Variants in CDH19 observed in about 807,000 individuals in gnomAD.
CDH19 encodes the protein cadherin 19.
Under a neutral mutation model 64.2 loss-of-function variants are expected in CDH19, and 67 were observed. The observed-to-expected ratio is 1.04, with a 90% confidence interval of 0.86 to 1.28. The LOEUF (loss-of-function observed/expected upper bound fraction) is 1.28, where lower values mean the gene tolerates loss of function less well. CDH19 is among the 50% of genes most tolerant of loss of function. CDH19 has a pLI of 0.00. For synonymous variants in CDH19, 346 were observed against 319.3 expected (o/e 1.08, Z -0.89); for missense variants, 1,030 against 929.0 (o/e 1.11, Z -1.41).
rs1232707585 is a variant in CDH19 at position 66,568,608 on chromosome 18, A to AT, written c.297dup (p.Tyr100IlefsTer7). 6.2e-7 allele frequency: 1 copy of AT among 1,611,964 alleles called. No individual in the cohort carries two copies. The highest frequency in any genetic ancestry group is 1.3e-5 in the African/African-American group (1 of 74,756). On this transcript the variant is annotated frameshift_variant, in exon 3 of 12. Transcript: ENST00000262150. LOFTEE classifies it high-confidence loss of function. ...TCTCTATCAAGCTTCTGTATGGCAT[A>AT]TATGTCACCTGTTCTTTCATCAATG...
chr18:66,593,724 T>C lies in CDH19; in HGVS notation c.-113+10230A>G, dbSNP rs117014250. 5.0e-4 allele frequency among the ~76,000 whole-genome samples: 76 copies of C among 152,270 alleles called. No homozygotes were observed. In the East Asian group the frequency reaches 0.013, roughly 25 times the overall value. On this transcript the variant is annotated intron_variant, in intron 1 of 11. Coordinates refer to ENST00000262150, the MANE Select transcript of CDH19 (RefSeq NM_021153.4). ...CCATAAGTTTCCAATTCTGATCTTT[T>C]ATATCGGCCTTCAATTAAGAAAAAT... is the stretch of plus-strand genomic sequence containing the variant.
chr18:66,543,176 C>A (rs954010519), intron 7 of CDH19, among the ~76,000 whole-genome samples: 1 of 152,046 alleles, frequency 6.6e-6, no homozygotes, highest in Non-Finnish European at 1.5e-5. Context: ...CAGGTGCCCG[C>A]CGCCACGCCT....
At chr18:66,545,123 C>T (rs995784975) in intron 5 of CDH19, among the ~76,000 whole-genome samples, 5 of 151,868 alleles carry the variant, frequency 3.3e-5, no homozygotes, top group Non-Finnish European at 4.4e-5. Flanking sequence ...GGTCTACAAG[C>T]GCCCACCACC....
intron 1 of CDH19, among the ~76,000 whole-genome samples, chr18:66,599,089 T>G (rs1988977248): frequency 6.6e-6 from 1 of 152,180 alleles, no homozygotes; most frequent in Non-Finnish European, 1.5e-5. Context: ...TTTTTATATT[T>G]TCTGCATATT....
At position 66,514,863 on chromosome 18, in the gene CDH19, T is replaced by A. The variant is rs148905024; in HGVS notation, c.1459-3178A>T. On this transcript the variant is annotated intron_variant, in intron 9 of 11. Coordinates refer to ENST00000262150, the MANE Select transcript of CDH19 (RefSeq NM_021153.4). ...GAGATGGTTCTTATTAAACATGCAA[T>A]TGATGGACAGCTAATTTAAGATGCA... Among the ~76,000 whole-genome samples, 27 of 151,746 alleles carry A rather than the reference T, an allele frequency of 1.8e-4. No homozygotes were observed. In the East Asian group the frequency reaches 5.2e-3, roughly 29 times the overall value.
chr18:66,510,344 C>T (rs907796877), intron 10 of CDH19, among the ~76,000 whole-genome samples: 17 of 150,668 alleles, frequency 1.1e-4, no homozygotes, highest in Non-Finnish European at 2.2e-4. Flanking sequence ...TTACTTGTGA[C>T]CACAAGCATT....
At chr18:66,553,315 G>A (rs555731245) in intron 4 of CDH19, among the ~76,000 whole-genome samples, 9 of 134,034 alleles carry the variant, frequency 6.7e-5, no homozygotes, top group Non-Finnish European at 1.5e-5. Flanking sequence ...CTGAATGTGT[G>A]AGGGAATTAA....
intron 7 of CDH19, among the ~76,000 whole-genome samples, chr18:66,537,266 C>T (rs917439708): frequency 6.6e-6 from 1 of 151,868 alleles, no homozygotes; most frequent in Non-Finnish European, 1.5e-5. Flanking sequence ...CCTCAATGTT[C>T]TTGTCTCTCA....
chr18:66,597,948 G>A (rs200440913), intron 1 of CDH19, among the ~76,000 whole-genome samples: 4 of 152,014 alleles, frequency 2.6e-5, no homozygotes, highest in Admixed American at 6.6e-5. Flanking sequence ...TGTAAATGAC[G>A]AGTTAATGGG....
At chr18:66,592,343 A>C (rs182112549) in intron 1 of CDH19, among the ~76,000 whole-genome samples, 3 of 151,876 alleles carry the variant, frequency 2.0e-5, no homozygotes, top group Non-Finnish European at 4.4e-5. Flanking sequence ...GGTAATTAGG[A>C]CAACAATCAC....
At chr18:66,570,629 T>C (rs1042416746) in intron 2 of CDH19, among the ~76,000 whole-genome samples, 4 of 151,754 alleles carry the variant, frequency 2.6e-5, no homozygotes, top group Non-Finnish European at 5.9e-5. Flanking sequence ...ATTATTGTTC[T>C]TTTTGAAATC....
Position 66,505,548 on chromosome 18 carries a change from AATATATATATTAAT to A in CDH19, c.1829-260_1829-247del, listed in dbSNP as rs1031476952. On this transcript the variant is annotated intron_variant, in intron 11 of 11. Transcript: ENST00000262150. ...AAAAATATAGTGAACTATATTTATT[AATATATATATTAAT>A]ATATATATAATATAATATATATAGT... Among the ~76,000 whole-genome samples the A allele has an allele frequency of 2.6e-4, 37 of 140,976 alleles. 1 individual carries two copies. Among genetic ancestry groups the A allele is most frequent in the Admixed American group, 2.6e-3 (35 of 13,528 alleles). 92.5% of individuals were successfully genotyped at this position (140,976 alleles called of 152,430 possible).
rs563201362 is a variant in CDH19, at chr18:66,505,044, C to T, written c.2087G>A (p.Arg696Lys). 2.1e-5 allele frequency: 34 copies of T among 1,613,622 alleles called. No homozygotes were observed. The South Asian group carries it at 3.5e-4, about 17-fold the overall frequency. ...LQVGPDSAIF[R>K]KFILEKLEEA... ...TTCGAGCTTTTCCAGAATGAATTTC[C>T]TGAATATGGCACTGTCGGGGCCAAC... The change falls in exon 12 of 12, where the codon AGG becomes AAG. Residue 696 changes from arginine (R) to lysine (K), a missense_variant. Coordinates refer to ENST00000262150, the MANE Select transcript of CDH19 (RefSeq NM_021153.4).
chr18:66,504,699 A>G lies in CDH19; in HGVS notation c.*113T>C. 9.2e-7 allele frequency: 1 copy of G among 1,088,634 alleles called. No homozygotes were observed. Among genetic ancestry groups the G allele is most frequent in the East Asian group, 2.5e-5 (1 of 40,790 alleles). The allele number at this position is 1,088,634 out of a possible 1,614,324, so 67.4% of individuals were successfully genotyped here. On this transcript the variant is annotated 3_prime_UTR_variant, in exon 12 of 12. Transcript: ENST00000262150. ...GTATTTACTCCAGGGAAATCAGAAA[A>G]CTCCATAGACTAGGGCTTTCCCCGC...
At chr18:66,560,729 G>C (rs1208398544) in intron 3 of CDH19, among the ~76,000 whole-genome samples, 1 of 151,862 alleles carries the variant, frequency 6.6e-6, no homozygotes, top group African/African-American at 2.4e-5. Flanking sequence ...ACTGAAGAAG[G>C]GTAGCATATT....
At chr18:66,527,214 A>G (rs1356865984) in intron 9 of CDH19, among the ~76,000 whole-genome samples, 2 of 151,862 alleles carry the variant, frequency 1.3e-5, no homozygotes, top group Admixed American at 1.3e-4. Flanking sequence ...CTACTTAGTA[A>G]TTCTATTTTG....
At chr18:66,543,762 A>C (rs1986987060) in intron 7 of CDH19, among the ~76,000 whole-genome samples, 1 of 152,080 alleles carries the variant, frequency 6.6e-6, no homozygotes, top group Non-Finnish European at 1.5e-5. Flanking sequence ...GCATGCCTAT[A>C]GTCCCAGCTA....
chr18:66,579,077 T>C (rs1198215840), intron 1 of CDH19, among the ~76,000 whole-genome samples: 1 of 151,906 alleles, frequency 6.6e-6, no homozygotes, highest in Admixed American at 6.6e-5. Flanking sequence ...GTGATGAAAG[T>C]CTTAGAAGTA....
intron 8 of CDH19, among the ~76,000 whole-genome samples, chr18:66,531,989 T>G (rs1023643844): frequency 1.3e-5 from 2 of 152,068 alleles, no homozygotes; most frequent in Admixed American, 6.6e-5. Flanking sequence ...AGGTTTATTG[T>G]TTTTAATCTT....
Sources: gnomAD v4.1 joint callset for allele counts (sites outside exome capture counted in the v4.1 genomes callset) on GRCh38, gnomAD v4.1.1 for gene constraint, MANE v1.5 for transcripts, NCBI Gene and HGNC (gene_info 2026-07-23, HGNC 2026-07-21) for gene names.